GRAMD2B: variants seen among roughly 807,000 people sequenced by gnomAD.
GRAMD2B encodes GRAM domain containing 2B.
Under a neutral mutation model 59.2 loss-of-function variants are expected in GRAMD2B, and 41 were observed. The ratio of observed to expected loss-of-function variants is 0.69; its 90% CI spans 0.54 to 0.90. The LOEUF is 0.90. Among genes scored for constraint, GRAMD2B ranks in the 40% least tolerant of loss-of-function variants. GRAMD2B has a pLI of 0.00. For missense variants in GRAMD2B, 424 were observed against 500.5 expected (o/e 0.85, Z 1.46); for synonymous variants, 161 against 182.7 (o/e 0.88, Z 0.96).
intron 1 of GRAMD2B, among the ~76,000 whole-genome samples, chr5:126,412,313 C>T (rs1435894838): frequency 2.6e-5 from 4 of 152,046 alleles, no homozygotes; most frequent in African/African-American, 9.7e-5. Context: ...GAGTTTTTAT[C>T]ATGAAAGAAT....
At chr5:126,413,492 T>A (rs981852159) in intron 1 of GRAMD2B, among the ~76,000 whole-genome samples, 3 of 152,104 alleles carry the variant, frequency 2.0e-5, no homozygotes, top group African/African-American at 4.8e-5. Context: ...CAATTTTTTT[T>A]AATTTATTGA....
intron 5 of GRAMD2B, among the ~76,000 whole-genome samples, chr5:126,474,362 T>G (rs574800626): frequency 6.7e-4 from 102 of 152,388 alleles, no homozygotes; most frequent in African/African-American, 2.4e-3. Flanking sequence ...TATTTTCTTT[T>G]GTTGGTGTTG....
At chr5:126,491,845 T>C (rs561843701) in intron 13 of GRAMD2B, among the ~76,000 whole-genome samples, 1 of 152,280 alleles carries the variant, frequency 6.6e-6, no homozygotes, top group South Asian at 2.1e-4. Flanking sequence ...GCAATTCTCC[T>C]GCCTCAGCCT....
chr5:126,394,199 C>T (rs554130368), intron 1 of GRAMD2B, among the ~76,000 whole-genome samples: 1 of 151,174 alleles, frequency 6.6e-6, no homozygotes, highest in East Asian at 2.0e-4. Context: ...GGAGTGAACC[C>T]GGGAGGCAGA....
chr5:126,471,825 T>A (rs1420761167), intron 3 of GRAMD2B, among the ~76,000 whole-genome samples: 1 of 152,202 alleles, frequency 6.6e-6, no homozygotes. Context: ...CAGCCAAGAC[T>A]TCAACTCAGG....
intron 5 of GRAMD2B, among the ~76,000 whole-genome samples, chr5:126,476,866 G>T (rs1013007736): frequency 1.3e-5 from 2 of 152,122 alleles, no homozygotes; most frequent in Non-Finnish European, 2.9e-5. Context: ...TGGGCATTTT[G>T]CATATATTAT....
chr5:126,429,315 T>C lies in GRAMD2B; in HGVS notation c.83+5626T>C, dbSNP rs1327274743. Reference sequence around the variant, plus strand: ...ACGAAATACCACATGTTCTCACTTATAAGTGGGAGCTAAATGATGAGAACA... The same window carrying C: ...ACGAAATACCACATGTTCTCACTTACAAGTGGGAGCTAAATGATGAGAACA... On this transcript the variant is annotated intron_variant, in intron 1 of 13. Coordinates refer to ENST00000285689, the MANE Select transcript of GRAMD2B (RefSeq NM_023927.4). Among the ~76,000 whole-genome samples, 4 of 152,108 alleles carry C rather than the reference T, an allele frequency of 2.6e-5. No homozygotes were observed. The East Asian group carries it at 7.7e-4, about 29-fold the overall frequency.
intron 1 of GRAMD2B, among the ~76,000 whole-genome samples, chr5:126,373,775 C>G (rs1284487719): frequency 6.6e-6 from 1 of 152,188 alleles, no homozygotes; most frequent in Non-Finnish European, 1.5e-5. Flanking sequence ...GATATTTAGG[C>G]TGACTTAGAA....
intron 5 of GRAMD2B, among the ~76,000 whole-genome samples, chr5:126,473,616 G>A (rs1191541581): frequency 2.6e-5 from 4 of 151,906 alleles, no homozygotes; most frequent in African/African-American, 9.7e-5. Flanking sequence ...ATATACACAT[G>A]TACCTCACCC....
chr5:126,422,204 T>C (rs964916396), upstream of GRAMD2B, among the ~76,000 whole-genome samples: 1 of 151,726 alleles, frequency 6.6e-6, no homozygotes. Context: ...CACGGATTTT[T>C]TTTTTTTTTT....
At chr5:126,367,109 G>A (rs1336591076), upstream of GRAMD2B, among the ~76,000 whole-genome samples, 1 of 151,144 alleles carries the variant, frequency 6.6e-6, no homozygotes, top group East Asian at 1.9e-4. Flanking sequence ...CACCCACTTC[G>A]GCCTCACAAA....
At position 126,485,811 on chromosome 5, in the gene GRAMD2B, G is replaced by C. The variant is rs751559383; in HGVS notation, c.1058+38G>C. 3.2e-6 allele frequency: 4 copies of C among 1,251,906 alleles called. No individual in the cohort carries two copies. In the African/African-American group the frequency reaches 4.5e-5, roughly 14 times the overall value. 77.5% of individuals were successfully genotyped at this position (1,251,906 alleles called of 1,614,324 possible). A position where few individuals can be genotyped will look rare whatever the true frequency, so the allele number is the denominator to read the frequency against. ...ATTTACTGTGAGTGACTAAGAAAAT[G>C]ATTCCATTCGCTAAAGGAATAATCT... On this transcript the variant is annotated intron_variant, in intron 11 of 13. Transcript: ENST00000285689.
chr5:126,409,514 C>T (rs532610984), intron 1 of GRAMD2B, among the ~76,000 whole-genome samples: 46 of 152,170 alleles, frequency 3.0e-4, no homozygotes, highest in African/African-American at 9.6e-4. Flanking sequence ...TCATGTCCTT[C>T]GCCAACTTTT....
chr5:126,368,395 A>AT (rs1317915892), upstream of GRAMD2B, among the ~76,000 whole-genome samples: 13 of 152,320 alleles, frequency 8.5e-5, no homozygotes, highest in East Asian at 2.3e-3. Context: ...CAGAATTCAC[A>AT]TTTTCTTTCA....
rs561374268 is a variant in GRAMD2B at position 126,453,008 on chromosome 5, C to T, written c.84-12418C>T. 2.0e-5 allele frequency among the ~76,000 whole-genome samples: 3 copies of T among 152,164 alleles called. No individual in the cohort carries two copies. The South Asian group carries it at 6.2e-4, about 32-fold the overall frequency. On this transcript the variant is annotated intron_variant, in intron 1 of 13. Transcript: ENST00000285689. The stretch of plus-strand genomic sequence containing the variant: ...AAAAAACCTTAATCAAATAGATATC[C>T]TCTAATATATCTTAGGTATATGAAA...
chr5:126,474,697 G>A (rs1397207499), intron 5 of GRAMD2B, among the ~76,000 whole-genome samples: 4 of 152,134 alleles, frequency 2.6e-5, no homozygotes, highest in African/African-American at 7.2e-5. Context: ...TAAGGGATGG[G>A]GGATTCACAA....
chr5:126,435,905 C>T (rs746309080), intron 1 of GRAMD2B, among the ~76,000 whole-genome samples: 7 of 152,202 alleles, frequency 4.6e-5, no homozygotes, highest in Non-Finnish European at 1.0e-4. Context: ...TCCTCTTACA[C>T]GTTTATAGAT....
upstream of GRAMD2B, among the ~76,000 whole-genome samples, chr5:126,420,997 T>G (rs1759671376): frequency 6.6e-6 from 1 of 152,168 alleles, no homozygotes; most frequent in South Asian, 2.1e-4. Context: ...GGAAAAATAT[T>G]GTATGATTCC....
chr5:126,410,012 T>C (rs956095900), intron 1 of GRAMD2B, among the ~76,000 whole-genome samples: 1 of 151,412 alleles, frequency 6.6e-6, no homozygotes, highest in African/African-American at 2.4e-5. Flanking sequence ...TATGCGGCTT[T>C]ATTTCTGAGG....
Sources: gnomAD v4.1 joint callset for allele counts (sites outside exome capture counted in the v4.1 genomes callset) on GRCh38, gnomAD v4.1.1 for gene constraint, MANE v1.5 for transcripts, NCBI Gene and HGNC (gene_info 2026-07-23, HGNC 2026-07-21) for gene names.